The following RTN4 variants were observed in gnomAD, a reference collection of about 807,000 sequenced individuals.
RTN4 encodes the protein reticulon 4, also known as reticulon-4.
In RTN4, 32 loss-of-function variants were observed where a neutral mutation model predicts 90.4. The observed-to-expected ratio is 0.35, with a 90% CI of 0.27 to 0.48. RTN4 has a LOEUF of 0.48. Ranked by LOEUF, RTN4 falls within the 20% of genes least tolerant of loss-of-function variation. The pLI, the probability that RTN4 is intolerant of heterozygous loss-of-function variation, is 0.99. For missense variants in RTN4, 1,706 were observed against 1,430.2 expected, an observed-to-expected ratio of 1.19 and a Z score of -3.11; for synonymous variants, 629 against 552.5, an observed-to-expected ratio of 1.14 and a Z score of -1.94.
intron 3 of RTN4, among the ~76,000 whole-genome samples, chr2:54,999,176 CTGTG>C (rs1679673364): frequency 6.6e-6 from 1 of 152,258 alleles, no homozygotes; most frequent in African/African-American, 2.4e-5. Context: ...TGAAAAATGA[CTGTG>C]TGTAATAGCA....
intron 2 of RTN4, among the ~76,000 whole-genome samples, chr2:55,064,437 G>A (rs1284154116): frequency 2.1e-5 from 3 of 144,342 alleles, no homozygotes; most frequent in Non-Finnish European, 3.0e-5. Flanking sequence ...TGCAACCTCC[G>A]CCTCCCGGGT....
At chr2:55,016,046 A>G (rs1426193242) in intron 3 of RTN4, among the ~76,000 whole-genome samples, 1 of 152,188 alleles carries the variant, frequency 6.6e-6, no homozygotes, top group Non-Finnish European at 1.5e-5. Context: ...ATATTTAAAT[A>G]TAAAGAGGTT....
At chr2:55,013,786 C>G (rs1382347414) in intron 3 of RTN4, among the ~76,000 whole-genome samples, 6 of 152,094 alleles carry the variant, frequency 3.9e-5, no homozygotes. Context: ...TACTTCTGCA[C>G]CCAGGAAAAA....
At chr2:55,049,015 G>T in intron 1 of RTN4, 1 of 756,262 alleles carries the variant, frequency 1.3e-6, no homozygotes, top group Non-Finnish European at 1.6e-6. Flanking sequence ...TCCCTGGCTC[G>T]GTTTAGCTGG....
At chr2:55,055,704 C>T (rs1001875926), upstream of RTN4, among the ~76,000 whole-genome samples, 7 of 150,806 alleles carry the variant, frequency 4.6e-5, no homozygotes, top group African/African-American at 1.2e-4. Context: ...TGGGAGGCAG[C>T]GCTTGCAGTG....
intron 1 of RTN4, among the ~76,000 whole-genome samples, chr2:55,047,503 C>G (rs915559398): frequency 6.6e-6 from 1 of 151,390 alleles, no homozygotes; most frequent in Non-Finnish European, 1.5e-5. Context: ...GTGAGGAGTC[C>G]GTCAACATCA....
At chr2:55,024,005 G>A (rs1681635769) in intron 3 of RTN4, among the ~76,000 whole-genome samples, 1 of 152,078 alleles carries the variant, frequency 6.6e-6, no homozygotes, top group South Asian at 2.1e-4. Context: ...TCTCTCTCAA[G>A]AGCTTCATGT....
At chr2:54,992,779 T>C (rs1424917753) in intron 3 of RTN4, among the ~76,000 whole-genome samples, 1 of 151,844 alleles carries the variant, frequency 6.6e-6, no homozygotes, top group Non-Finnish European at 1.5e-5. Context: ...CTTAAGAAAT[T>C]AAACATATGG....
chr2:55,046,470 C>A (rs1667739305), intron 1 of RTN4, among the ~76,000 whole-genome samples: 1 of 152,110 alleles, frequency 6.6e-6, no homozygotes, highest in African/African-American at 2.4e-5. Flanking sequence ...GAAATGTTTT[C>A]TCTCTGCAGC....
At chr2:55,055,502 T>C (rs1668172161), upstream of RTN4, among the ~76,000 whole-genome samples, 1 of 152,170 alleles carries the variant, frequency 6.6e-6, no homozygotes, top group Non-Finnish European at 1.5e-5. Context: ...GCGCGGTGGC[T>C]CACGCCTGTA....
chr2:55,020,584 T>C (rs1681356399), intron 3 of RTN4, among the ~76,000 whole-genome samples: 1 of 152,230 alleles, frequency 6.6e-6, no homozygotes, highest in Non-Finnish European at 1.5e-5. Context: ...TTCATTAGTT[T>C]CTTGACAAAC....
intron 1 of RTN4, among the ~76,000 whole-genome samples, chr2:55,043,529 A>T (rs935502046): frequency 6.6e-6 from 1 of 152,056 alleles, no homozygotes; most frequent in Non-Finnish European, 1.5e-5. Context: ...GAGGTGGGAG[A>T]ACTGCTTGAG....
At chr2:54,999,115 A>C (rs1269593540) in intron 3 of RTN4, among the ~76,000 whole-genome samples, 1 of 152,232 alleles carries the variant, frequency 6.6e-6, no homozygotes, top group Admixed American at 6.5e-5. Flanking sequence ...AGTTTAGAAA[A>C]AAGTAATTTA....
rs918941811 is a variant in RTN4 at position 54,972,918 on chromosome 2, A to AGAT, written c.*235_*237dup. The AGAT allele has an allele frequency of 5.8e-5, 22 of 381,458 alleles. No homozygotes were observed. The highest frequency in any genetic ancestry group is 1.3e-4 in the Admixed American group (3 of 22,366). The allele number at this position is 381,458 out of a possible 1,614,324, so 23.6% of individuals were successfully genotyped here. A position where few individuals can be genotyped will look rare whatever the true frequency, so the allele number is the denominator to read the frequency against. On this transcript the variant is annotated 3_prime_UTR_variant, in exon 9 of 9. Coordinates refer to ENST00000337526, the MANE Select transcript of RTN4 (RefSeq NM_020532.5). ...CCAGTGCCTCAGATAGATAGGAAAA[A>AGAT]GATATGATTACGGTTTAAATCCATA...
chr2:55,073,961 G>T (rs1668558008), intron 2 of RTN4, among the ~76,000 whole-genome samples: 1 of 152,190 alleles, frequency 6.6e-6, no homozygotes, highest in Non-Finnish European at 1.5e-5. Flanking sequence ...TTCGTTGCAA[G>T]GTGGCATTCA....
intron 1 of RTN4, among the ~76,000 whole-genome samples, chr2:55,096,326 CA>C (rs113297587): frequency 2.5e-3 from 344 of 137,108 alleles, no homozygotes; most frequent in Non-Finnish European, 2.3e-3. Flanking sequence ...AACTCTGCCT[CA>C]AAAAAAAAAA....
At chr2:55,040,785 G>T (rs1683018876) in intron 1 of RTN4, among the ~76,000 whole-genome samples, 1 of 150,954 alleles carries the variant, frequency 6.6e-6, no homozygotes, top group African/African-American at 2.4e-5. Context: ...TCAGCCCTAG[G>T]CCTAGTTAAA....
chr2:55,039,709 G>A (rs1682941594), intron 1 of RTN4, among the ~76,000 whole-genome samples: 1 of 152,192 alleles, frequency 6.6e-6, no homozygotes. Flanking sequence ...AACCCAGGAG[G>A]TGGAGGTTGC....
chr2:55,088,479 C>G (rs1310718890), intron 1 of RTN4, among the ~76,000 whole-genome samples: 1 of 152,152 alleles, frequency 6.6e-6, no homozygotes, highest in East Asian at 1.9e-4. Context: ...GTAGTATTTC[C>G]TCATGTTTTC....
Sources: allele counts gnomAD v4.1 joint callset (sites outside exome capture counted in the v4.1 genomes callset), GRCh38; gene constraint gnomAD v4.1.1; transcripts MANE v1.5; gene names NCBI Gene and HGNC (gene_info 2026-07-23, HGNC 2026-07-21).